The following PCDHA5 variants were observed in gnomAD, a reference collection of about 807,000 sequenced individuals.
PCDHA5 encodes protocadherin alpha 5.
A neutral mutation model predicts 61.6 loss-of-function variants in PCDHA5; 43 were observed. The ratio of observed to expected loss-of-function variants is 0.70; its 90% CI spans 0.55 to 0.90. The LOEUF (loss-of-function observed/expected upper bound fraction) is 0.90. Among genes scored for constraint, PCDHA5 ranks in the 40% least tolerant of loss-of-function variants. The pLI, the probability that PCDHA5 is intolerant of heterozygous loss-of-function variation, is 0.00. For missense variants in PCDHA5, 1,298 were observed against 1,222.7 expected (o/e 1.06, Z -0.92); for synonymous variants, 627 against 543.9 (o/e 1.15, Z -2.13).
At chr5:140,836,936 A>C in intron 1 of PCDHA5, 1 of 476,206 alleles carries the variant, frequency 2.1e-6, no homozygotes, top group Non-Finnish European at 3.6e-6. Context: ...GTAATACTAT[A>C]GATCAAAATC....
At chr5:140,953,127 G>T (rs909395659) in intron 1 of PCDHA5, among the ~76,000 whole-genome samples, 8 of 152,178 alleles carry the variant, frequency 5.3e-5, no homozygotes, top group African/African-American at 1.4e-4. Flanking sequence ...GATCTAAACC[G>T]TATCACTGTT....
intron 1 of PCDHA5, among the ~76,000 whole-genome samples, chr5:140,940,372 A>G (rs1173605569): frequency 1.3e-5 from 2 of 151,970 alleles, no homozygotes; most frequent in Admixed American, 6.6e-5. Flanking sequence ...GTATTCCTTG[A>G]GTTGTTAATT....
rs566725560 is a variant in PCDHA5, at chr5:140,929,099, G to T, written c.2353-49850G>T. The T allele has an allele frequency of 9.3e-6, 15 of 1,614,170 alleles. No homozygotes were observed. The African/African-American group carries it at 1.9e-4, about 20-fold the overall frequency. ...GGAAGTAAGATGGTTTCAAATCCTT[G>T]CATGACATCAGCCACCATAGATGTC... On this transcript the variant is annotated intron_variant, in intron 1 of 3. Transcript: ENST00000529859.
intron 1 of PCDHA5, chr5:140,968,000 C>T: frequency 1.2e-6 from 2 of 1,614,234 alleles, no homozygotes; most frequent in Non-Finnish European, 8.5e-7. Context: ...GCCTTTCCGA[C>T]TGAATGGCTT....
Position 140,985,739 on chromosome 5 carries a change from C to CTT in PCDHA5, c.2500+3195_2500+3196dup, listed in dbSNP as rs11372071. 6.5e-3 allele frequency among the ~76,000 whole-genome samples: 761 copies of CTT among 117,902 alleles called. 21 individuals carry two copies. The highest frequency in any genetic ancestry group is 0.054 in the East Asian group (218 of 4,012). The allele number at this position is 117,902 out of a possible 152,430, so 77.3% of individuals were successfully genotyped here. On this transcript the variant is annotated intron_variant, in intron 3 of 3. Transcript: ENST00000529859. ...TTATTTTTCCTTCACTGATGAATTC[C>CTT]TTTTTTTTTTTTTTTTTTTTGAGAC...
At chr5:140,922,369 G>A (rs534587109) in intron 1 of PCDHA5, among the ~76,000 whole-genome samples, 1 of 152,320 alleles carries the variant, frequency 6.6e-6, no homozygotes, top group East Asian at 1.9e-4. Context: ...TTCTCACTGA[G>A]ATGCAAAACC....
At chr5:140,849,988 G>C in intron 1 of PCDHA5, 2 of 1,597,364 alleles carry the variant, frequency 1.3e-6, no homozygotes, top group South Asian at 1.1e-5. Context: ...GTGGAGCGGC[G>C]GTTGGGCGAG....
intron 1 of PCDHA5, chr5:140,884,066 G>T (rs2059975136): frequency 6.2e-7 from 1 of 1,613,514 alleles, no homozygotes; most frequent in Non-Finnish European, 8.5e-7. Context: ...GGTGGACGCC[G>T]ATTCGGGCTA....
At chr5:140,910,311 A>G (rs928675389) in intron 1 of PCDHA5, among the ~76,000 whole-genome samples, 4 of 152,224 alleles carry the variant, frequency 2.6e-5, no homozygotes, top group African/African-American at 9.6e-5. Context: ...AGAGATCTAC[A>G]TGAGTCAGAC....
Position 140,906,278 on chromosome 5 carries a change from C to T in PCDHA5, c.2353-72671C>T, listed in dbSNP as rs546102354. On this transcript the variant is annotated intron_variant, in intron 1 of 3. Coordinates refer to ENST00000529859, the MANE Select transcript of PCDHA5 (RefSeq NM_018908.3). ...ACCTCCTGAAATTATAGATAATCTT[C>T]AAATTAAGACAATAATAAGGTCATA... Among the ~76,000 whole-genome samples the T allele has an allele frequency of 4.6e-5, 7 of 152,270 alleles. No homozygotes were observed. In the South Asian group the frequency reaches 6.2e-4, roughly 14 times the overall value.
intron 1 of PCDHA5, among the ~76,000 whole-genome samples, chr5:140,915,121 A>G (rs982484419): frequency 1.1e-4 from 16 of 151,600 alleles, no homozygotes; most frequent in African/African-American, 3.9e-4. Flanking sequence ...CCTAATTTTT[A>G]TATTTTTAGT....
chr5:140,910,053 G>C (rs2074856503), intron 1 of PCDHA5, among the ~76,000 whole-genome samples: 1 of 152,170 alleles, frequency 6.6e-6, no homozygotes, highest in Non-Finnish European at 1.5e-5. Context: ...CATAATAAGT[G>C]ATCTTTTAAC....
At chr5:140,850,520 G>T (rs782515896) in intron 1 of PCDHA5, 3 of 1,598,186 alleles carry the variant, frequency 1.9e-6, no homozygotes, top group South Asian at 1.1e-5. Context: ...GCGGCCAGGC[G>T]CCAAAGTCAT....
intron 1 of PCDHA5, chr5:140,841,629 G>T: frequency 6.2e-7 from 1 of 1,614,156 alleles, no homozygotes; most frequent in Non-Finnish European, 8.5e-7. Flanking sequence ...GCGGAGTGCA[G>T]CATCCACCTG....
rs556593659 is a variant in PCDHA5, at chr5:140,966,652, G to A, written c.2353-12297G>A. ...CCCAGGCGCTTTCTAGAGCGTGAGC[G>A]GTGGGGGAGCAGGCGCAGGGTGGCA... On this transcript the variant is annotated intron_variant, in intron 1 of 3. Coordinates refer to ENST00000529859, the MANE Select transcript of PCDHA5 (RefSeq NM_018908.3). 1.0e-5 allele frequency: 12 copies of A among 1,169,200 alleles called. No homozygotes were observed. In the Admixed American group the frequency reaches 2.0e-4, roughly 19 times the overall value. The allele number at this position is 1,169,200 out of a possible 1,614,324, so 72.4% of individuals were successfully genotyped here.
intron 1 of PCDHA5, among the ~76,000 whole-genome samples, chr5:140,855,580 ATAT>A (rs1320529577): frequency 6.7e-6 from 1 of 149,924 alleles, no homozygotes; most frequent in Non-Finnish European, 1.5e-5. Flanking sequence ...ATTTAATAAA[ATAT>A]TAGTATACTC....
chr5:140,869,136 C>T (rs1554162510), intron 1 of PCDHA5: 5 of 1,613,054 alleles, frequency 3.1e-6, no homozygotes, highest in South Asian at 1.1e-5. Context: ...GATTGGGCAC[C>T]CCACGACTAC....
At chr5:140,893,456 C>G (rs781790396) in intron 1 of PCDHA5, among the ~76,000 whole-genome samples, 44 of 151,918 alleles carry the variant, frequency 2.9e-4, no homozygotes, top group Non-Finnish European at 2.6e-4. Flanking sequence ...AGTTCAAGAC[C>G]AGCCTGGGCA....
At chr5:140,873,657 C>CTA in intron 1 of PCDHA5, among the ~76,000 whole-genome samples, 1 of 152,206 alleles carries the variant, frequency 6.6e-6, no homozygotes, top group South Asian at 2.1e-4. Context: ...ACATAACACA[C>CTA]TATTATTATT....
Sources: allele counts gnomAD v4.1 joint callset (sites outside exome capture counted in the v4.1 genomes callset), GRCh38; gene constraint gnomAD v4.1.1; transcripts MANE v1.5; gene names NCBI Gene and HGNC (gene_info 2026-07-23, HGNC 2026-07-21).